AP5M1: variants seen among roughly 807,000 people sequenced by gnomAD.
AP5M1 encodes AP-5 complex subunit mu-1.
A neutral mutation model predicts 52.3 loss-of-function variants in AP5M1; 44 were observed. The ratio of observed to expected loss-of-function variants is 0.84; its 90% CI spans 0.66 to 1.08. The LOEUF (loss-of-function observed/expected upper bound fraction) is 1.08. Among genes scored for constraint, AP5M1 ranks in the 50% least tolerant of loss-of-function variants. AP5M1 has a pLI of 0.00. For missense variants in AP5M1, 526 were observed against 568.4 expected (o/e 0.93, Z 0.76); for synonymous variants, 213 against 199.0 (o/e 1.07, Z -0.59).
chr14:57,285,857 T>G (rs535373601), intron 6 of AP5M1, among the ~76,000 whole-genome samples: 1 of 152,272 alleles, frequency 6.6e-6, no homozygotes, highest in South Asian at 2.1e-4. Context: ...CGGTAAGGTC[T>G]GAGTTCAAAT....
chr14:57,280,249 A>T lies in AP5M1; in HGVS notation c.775A>T (p.Asn259Tyr), dbSNP rs767705883. The change falls in exon 3 of 8, where the codon AAT becomes TAT. Residue 259 changes from asparagine (N) to tyrosine (Y), a missense_variant. Around this residue, in one of 3 missense-constraint regions of AP5M1, gnomAD observed 425 missense variants for 430.6 expected, o/e 0.99. Coordinates refer to ENST00000261558, the MANE Select transcript of AP5M1 (RefSeq NM_018229.4). The stretch of plus-strand genomic sequence containing the variant: ...TACCATCAGCTTGAGTCTCCCCACC[A>T]ATGGATCTCCACTTCAGGATATTCT... ...NVTISLSLPT[N>Y]GSPLQDILVH... is the part of the protein sequence containing the mutation. The T allele has an allele frequency of 4.3e-6, 7 of 1,613,914 alleles. No individual in the cohort carries two copies. The South Asian group carries it at 6.6e-5, about 15-fold the overall frequency.
rs1253005023 is a variant in AP5M1 at position 57,295,835 on chromosome 14, A to C, written c.*6951A>C. Reference sequence around the variant, plus strand: ...GCAATACATAAGAAATAATAAGCTGAAAATAATCAAAAAATGAAAACAATT... The same window carrying C: ...GCAATACATAAGAAATAATAAGCTGCAAATAATCAAAAAATGAAAACAATT... On this transcript the variant is annotated 3_prime_UTR_variant, in exon 8 of 8. Transcript: ENST00000261558. 6.6e-6 allele frequency: 1 copy of C among 152,000 alleles called. No homozygotes were observed. The highest frequency in any genetic ancestry group is 1.5e-5 in the Non-Finnish European group (1 of 67,928). 9.4% of individuals were successfully genotyped at this position (152,000 alleles called of 1,614,324 possible).
rs1470481860 is a variant in AP5M1 at position 57,290,523 on chromosome 14, T to TA, written c.*1641dup. The stretch of plus-strand genomic sequence containing the variant: ...TAAATGTTTACCAAATACACTAAGG[T>TA]AAGCAAGAGGCATTTATCTAGTGAG... On this transcript the variant is annotated 3_prime_UTR_variant, in exon 8 of 8. Transcript: ENST00000261558. The TA allele has an allele frequency of 6.6e-6, 1 of 151,936 alleles. No individual in the cohort carries two copies. The highest frequency in any genetic ancestry group is 1.5e-5 in the Non-Finnish European group (1 of 67,906). The allele number at this position is 151,936 out of a possible 1,614,324, so 9.4% of individuals were successfully genotyped here.
At chr14:57,287,805 A>C (rs1205499049) in intron 7 of AP5M1, among the ~76,000 whole-genome samples, 1 of 152,160 alleles carries the variant, frequency 6.6e-6, no homozygotes, top group Non-Finnish European at 1.5e-5. Context: ...ACCAATTTAA[A>C]TAATAATGGC....
chr14:57,271,262 A>C (rs148453701), intron 1 of AP5M1: 12 of 152,244 alleles, frequency 7.9e-5, no homozygotes, highest in African/African-American at 2.9e-4. Flanking sequence ...TGCATCCTCA[A>C]ATCTGTCCAT....
chr14:57,283,007 A>G lies in AP5M1; in HGVS notation c.1162A>G (p.Ile388Val), dbSNP rs778564939. The change falls in exon 5 of 8, where the codon ATC becomes GTC. Residue 388 changes from isoleucine to valine, a missense_variant. Ile to Val is a conservative substitution (Grantham distance 29). This residue lies in a region of AP5M1 where 97 missense variants were observed against 121.3 expected (regional missense o/e 0.80). Coordinates refer to ENST00000261558, the MANE Select transcript of AP5M1 (RefSeq NM_018229.4). ...AGTATTTCGAGAGAAAAGCTTATTG[A>G]TCTGGATTATTGGTGAGCAAGTTTT... ...LEVFREKSLL[I>V]WIIGQKFPKS... 1 of 1,600,016 alleles carries G rather than the reference A, an allele frequency of 6.2e-7. No individual in the cohort carries two copies. Among genetic ancestry groups the G allele is most frequent in the South Asian group, 1.1e-5 (1 of 88,258 alleles).
intron 1 of AP5M1, among the ~76,000 whole-genome samples, chr14:57,273,230 T>G (rs991727115): frequency 6.6e-6 from 1 of 152,216 alleles, no homozygotes; most frequent in African/African-American, 2.4e-5. Context: ...GCACCTAATC[T>G]ACATATGGAT....
At chr14:57,273,126 G>T (rs1313180168) in intron 1 of AP5M1, among the ~76,000 whole-genome samples, 1 of 152,074 alleles carries the variant, frequency 6.6e-6, no homozygotes, top group Non-Finnish European at 1.5e-5. Context: ...TTTTAGTAAA[G>T]TCAGGGTTTC....
Position 57,297,646 on chromosome 14 carries a change from T to C in AP5M1, c.*8762T>C, listed in dbSNP as rs925821317. On this transcript the variant is annotated 3_prime_UTR_variant, in exon 8 of 8. Coordinates refer to ENST00000261558, the MANE Select transcript of AP5M1 (RefSeq NM_018229.4). Reference sequence around the variant, plus strand: ...AGAGTAGTGGCCTCACATTGATTTATATTAGTGTGCCAGTCTTTCCCCTAC... The same window carrying C: ...AGAGTAGTGGCCTCACATTGATTTACATTAGTGTGCCAGTCTTTCCCCTAC... 9.2e-5 allele frequency: 14 copies of C among 152,102 alleles called. No individual in the cohort carries two copies. The highest frequency in any genetic ancestry group is 3.1e-4 in the African/African-American group (13 of 41,428). The allele number at this position is 152,102 out of a possible 1,614,324, so 9.4% of individuals were successfully genotyped here. A position where few individuals can be genotyped will look rare whatever the true frequency, so the allele number is the denominator to read the frequency against.
chr14:57,279,103 C>G (rs1262924285), intron 2 of AP5M1, among the ~76,000 whole-genome samples: 3 of 152,184 alleles, frequency 2.0e-5, no homozygotes, highest in Admixed American at 6.5e-5. Flanking sequence ...TTAGTTTAAT[C>G]ATTGTGGAAG....
At chr14:57,269,727 A>G (rs1884830826) in intron 1 of AP5M1, among the ~76,000 whole-genome samples, 1 of 152,260 alleles carries the variant, frequency 6.6e-6, no homozygotes, top group Non-Finnish European at 1.5e-5. Context: ...AGATTTTTCA[A>G]CATGCATTGA....
chr14:57,289,088 C>A lies in AP5M1; in HGVS notation c.*204C>A. ...TAATGTCTCCAATTTTGTTAACCTT[C>A]GATTTTATGCCAGTATAATTCAGAA... On this transcript the variant is annotated 3_prime_UTR_variant, in exon 8 of 8. Transcript: ENST00000261558. 1 of 361,546 alleles carries A rather than the reference C, an allele frequency of 2.8e-6. No homozygotes were observed. 22.4% of individuals were successfully genotyped at this position (361,546 alleles called of 1,614,324 possible).
rs1466360092 is a variant in AP5M1 at position 57,274,868 on chromosome 14, T to G, written c.699T>G (p.Val233=). Reference sequence around the variant, plus strand: ...AGGGTATAGCAGATACATGGCAAGTTGTTGGAACAGTGACTTGCAAGGTGA... The same window carrying G: ...AGGGTATAGCAGATACATGGCAAGTGGTTGGAACAGTGACTTGCAAGGTGA... The part of the protein sequence containing the change: ...DKQGIADTWQ[V]VGTVTCKCDL... Residue 233 remains valine (V), a synonymous_variant, in exon 2 of 8, where the codon GTT becomes GTG. Transcript: ENST00000261558. The G allele has an allele frequency of 3.1e-6, 5 of 1,614,044 alleles. No homozygotes were observed. Among genetic ancestry groups the G allele is most frequent in the Non-Finnish European group, 4.2e-6 (5 of 1,180,016 alleles).
In AP5M1 at chr14:57,297,896, G is replaced by A. The variant is rs1034910734; in HGVS notation, c.*9012G>A. 6.6e-6 allele frequency: 1 copy of A among 152,124 alleles called. No individual in the cohort carries two copies. The allele number at this position is 152,124 out of a possible 1,614,324, so 9.4% of individuals were successfully genotyped here. A position where few individuals can be genotyped will look rare whatever the true frequency, so the allele number is the denominator to read the frequency against. On this transcript the variant is annotated 3_prime_UTR_variant, in exon 8 of 8. Coordinates refer to ENST00000261558, the MANE Select transcript of AP5M1 (RefSeq NM_018229.4). ...TAGAAAGGCTATTTTGCAAACAGTG[G>A]TTCAGTCTGTATTGGGCACAGGTGA...
In AP5M1 at chr14:57,280,359, G is replaced by A. The variant is rs568944665; in HGVS notation, c.885G>A (p.Gly295=). The change falls in exon 3 of 8, where the codon GGG becomes GGA. Residue 295 remains glycine (G), a synonymous_variant. Transcript: ENST00000261558. ...CAATGGATGACTCTGCATTTAGTGG[G>A]CCTTACAAATTTCCATTCACTCCAC... The part of the protein sequence containing the change: ...IDAMDDSAFS[G]PYKFPFTPPL... 9.3e-6 allele frequency: 15 copies of A among 1,614,004 alleles called. No homozygotes were observed. The South Asian group carries it at 1.4e-4, about 15-fold the overall frequency.
At position 57,274,243 on chromosome 14, in the gene AP5M1, G is replaced by T. The variant is rs1348834847; in HGVS notation, c.75-1G>T. ...ATAATGTTTCTGTTTCCGTAATGCAGACGGTATCCAACTGTTGAAAAACGA... is the reference window on the plus strand; with the variant it reads ...ATAATGTTTCTGTTTCCGTAATGCATACGGTATCCAACTGTTGAAAAACGA... On this transcript the variant is annotated splice_acceptor_variant, in intron 1 of 7. Coordinates refer to ENST00000261558, the MANE Select transcript of AP5M1 (RefSeq NM_018229.4). LOFTEE classifies it high-confidence loss of function. 6 of 1,592,498 alleles carry T rather than the reference G, an allele frequency of 3.8e-6. No individual in the cohort carries two copies. The highest frequency in any genetic ancestry group is 5.1e-6 in the Non-Finnish European group (6 of 1,169,678).
intron 3 of AP5M1, among the ~76,000 whole-genome samples, 166 bp downstream of exon 3, chr14:57,280,588 G>A (rs1885148456): frequency 6.6e-6 from 1 of 152,186 alleles, no homozygotes; most frequent in Admixed American, 6.5e-5. Context: ...GGTGGCTCAT[G>A]CCTGTAATCC....
chr14:57,272,208 T>C (rs1243311981), intron 1 of AP5M1, among the ~76,000 whole-genome samples: 1 of 152,230 alleles, frequency 6.6e-6, no homozygotes, highest in Non-Finnish European at 1.5e-5. Context: ...TGTGTTCAAA[T>C]AATTTAATTC....
Position 57,283,221 on chromosome 14 carries a change from A to G in AP5M1, c.1284A>G (p.Ala428=). The change falls in exon 6 of 8, where the codon GCA becomes GCG. Residue 428 remains alanine, a synonymous_variant. Transcript: ENST00000261558. ...PFDPICTGET[A]YLKLHFRILD... is the part of the protein sequence containing the mutation. ...ACCCAATTTGTACTGGAGAAACAGC[A>G]TATTTAAAGGTAAACATATTTATAC... 1.2e-6 allele frequency: 2 copies of G among 1,602,616 alleles called. No individual in the cohort carries two copies. The highest frequency in any genetic ancestry group is 1.7e-4 in the Middle Eastern group (1 of 6,038).
Sources: allele counts gnomAD v4.1 joint callset (sites outside exome capture counted in the v4.1 genomes callset), GRCh38; gene constraint gnomAD v4.1.1; regional missense constraint gnomAD v4.1.1; transcripts MANE v1.5; gene names NCBI Gene and HGNC (gene_info 2026-07-23, HGNC 2026-07-21).